ANXA6: variants seen among roughly 807,000 people sequenced by gnomAD.
The protein encoded by ANXA6 is annexin A6, also known as 67 kDa calelectrin.
A neutral mutation model predicts 95.4 loss-of-function variants in ANXA6; 71 were observed. The ratio of observed to expected loss-of-function variants is 0.74; its 90% CI spans 0.61 to 0.91. The LOEUF (loss-of-function observed/expected upper bound fraction) is 0.91, where lower values mean the gene tolerates loss of function less well. Among genes scored for constraint, ANXA6 ranks in the 40% least tolerant of loss-of-function variants. The pLI is 0.00. For missense variants in ANXA6, 830 were observed against 876.4 expected (o/e 0.95, Z 0.67); for synonymous variants, 289 against 315.9 (o/e 0.91, Z 0.90).
chr5:151,135,711 T>C (rs1009450698), intron 7 of ANXA6, among the ~76,000 whole-genome samples: 3 of 152,216 alleles, frequency 2.0e-5, no homozygotes, highest in Non-Finnish European at 4.4e-5. Context: ...TTTCAATACA[T>C]TAAAATAATC....
intron 4 of ANXA6, chr5:151,139,078 T>C: frequency 1.7e-6 from 1 of 589,596 alleles, no homozygotes; most frequent in Non-Finnish European, 3.0e-6. Flanking sequence ...TGTGTATCTC[T>C]CTCACTATCT....
chr5:151,128,169 G>A lies in ANXA6; in HGVS notation c.977+12C>T. ...GCCATGCCCTCCAGCCAGGGGCCAA[G>A]AAGCCACTTACTCATCATCTCCCCC... On this transcript the variant is annotated intron_variant, in intron 13 of 25. Transcript: ENST00000354546. 1 of 1,610,616 alleles carries A rather than the reference G, an allele frequency of 6.2e-7. No homozygotes were observed. The highest frequency in any genetic ancestry group is 1.1e-5 in the South Asian group (1 of 90,218).
chr5:151,136,038 C>T (rs1043609408), intron 7 of ANXA6, among the ~76,000 whole-genome samples: 4 of 152,166 alleles, frequency 2.6e-5, no homozygotes, highest in Non-Finnish European at 4.4e-5. Flanking sequence ...CAGAGAGGAG[C>T]GGGAGGAGCG....
At chr5:151,110,477 C>G (rs978242741) in intron 21 of ANXA6, 150 bp downstream of exon 21, 3 of 812,812 alleles carry the variant, frequency 3.7e-6, no homozygotes, top group African/African-American at 3.5e-5. Context: ...CTTGCCTGGC[C>G]TATCTTTTAC....
intron 23 of ANXA6, 90 bp from the exon 24 acceptor site, chr5:151,105,393 C>T (rs934759882): frequency 6.9e-6 from 8 of 1,153,496 alleles, no homozygotes; most frequent in African/African-American, 4.6e-5. Flanking sequence ...CCCACCTCGT[C>T]TATCCCTGCA....
At position 151,124,238 on chromosome 5, in the gene ANXA6, C is replaced by T. The variant is rs747145942; in HGVS notation, c.1138+48G>A. 7.0e-6 allele frequency: 11 copies of T among 1,564,702 alleles called. No homozygotes were observed. The South Asian group carries it at 1.2e-4, about 18-fold the overall frequency. Reference sequence around the variant, plus strand: ...TGCCAGCCCACGGCCAAACCCACCACACCTGCTGCCCTGGAGACCAACCCT... The same window carrying T: ...TGCCAGCCCACGGCCAAACCCACCATACCTGCTGCCCTGGAGACCAACCCT... On this transcript the variant is annotated intron_variant, in intron 15 of 25. Coordinates refer to ENST00000354546, the MANE Select transcript of ANXA6 (RefSeq NM_001155.5).
intron 23 of ANXA6, among the ~76,000 whole-genome samples, chr5:151,106,868 T>C (rs540298477): frequency 1.2e-4 from 18 of 152,210 alleles, no homozygotes; most frequent in South Asian, 2.1e-4. Flanking sequence ...ATGCCTGCCA[T>C]TGGATGGAGG....
intron 14 of ANXA6, among the ~76,000 whole-genome samples, chr5:151,125,827 C>T (rs1333375991): frequency 2.0e-5 from 3 of 152,050 alleles, no homozygotes; most frequent in African/African-American, 4.8e-5. Context: ...CATGTTAACC[C>T]CTCACTTTAA....
intron 18 of ANXA6, among the ~76,000 whole-genome samples, chr5:151,119,044 C>T (rs957328153): frequency 6.6e-6 from 1 of 152,192 alleles, no homozygotes; most frequent in African/African-American, 2.4e-5. Flanking sequence ...AGTCGCCCTC[C>T]CTCTCTCCAG....
chr5:151,148,145 G>A (rs1766016972), intron 1 of ANXA6, among the ~76,000 whole-genome samples: 1 of 151,510 alleles, frequency 6.6e-6, no homozygotes, highest in African/African-American at 2.4e-5. Context: ...AAAGGGACGC[G>A]GATCCCCAAG....
intron 10 of ANXA6, 150 bp downstream of exon 10, chr5:151,132,326 C>T (rs1228337512): frequency 6.0e-6 from 4 of 667,870 alleles, no homozygotes; most frequent in Admixed American, 6.3e-5. Context: ...CCATGCTGCC[C>T]TGGAGAAACC....
chr5:151,121,917 C>T (rs574115701), intron 17 of ANXA6, among the ~76,000 whole-genome samples: 109 of 152,304 alleles, frequency 7.2e-4, no homozygotes, highest in African/African-American at 2.6e-3. Context: ...AGAGCCAAGA[C>T]AGGGGTGAGC....
chr5:151,153,919 A>T (rs576767531), intron 1 of ANXA6, among the ~76,000 whole-genome samples: 1 of 152,312 alleles, frequency 6.6e-6, no homozygotes, highest in East Asian at 1.9e-4. Flanking sequence ...TTAGAAAATT[A>T]CTGCATATGC....
chr5:151,140,577 A>AATATATATATAT (rs61352316), intron 2 of ANXA6: 27 of 143,844 alleles, frequency 1.9e-4, no homozygotes, highest in Non-Finnish European at 3.7e-4. Flanking sequence ...GCAAGAGTCA[A>AATATATATATAT]ATATATATAT....
intron 1 of ANXA6, chr5:151,154,998 A>T (rs1766200481): frequency 6.6e-6 from 1 of 151,246 alleles, no homozygotes; most frequent in Non-Finnish European, 1.5e-5. Context: ...TAAAAATAGC[A>T]CCTCCCTCAT....
intron 13 of ANXA6, among the ~76,000 whole-genome samples, chr5:151,127,771 C>T (rs17111774): frequency 0.011 from 1,609 of 152,304 alleles, 41 homozygotes; most frequent in African/African-American, 0.037. Context: ...AGGGTCTGCA[C>T]CCAGAAGGCA....
intron 6 of ANXA6, among the ~76,000 whole-genome samples, 178 bp from the exon 7 acceptor site, chr5:151,136,513 T>G (rs186271202): frequency 1.8e-4 from 28 of 152,308 alleles, no homozygotes; most frequent in African/African-American, 6.5e-4. Context: ...GACCATGATA[T>G]GATGAAATGG....
chr5:151,133,191 A>G lies in ANXA6; in HGVS notation c.547-4T>C. The G allele has an allele frequency of 3.2e-6, 5 of 1,571,962 alleles. No individual in the cohort carries two copies. The highest frequency in any genetic ancestry group is 4.3e-6 in the Non-Finnish European group (5 of 1,157,020). ...GTTCCCCTGCCTCGTATAGGTCCTGAAGGGGAAGAGGTGGCACTTGACTGA... is the reference window on the plus strand; with the variant it reads ...GTTCCCCTGCCTCGTATAGGTCCTGGAGGGGAAGAGGTGGCACTTGACTGA... On this transcript the variant is annotated splice_region_variant and splice_polypyrimidine_tract_variant and intron_variant, in intron 8 of 25. Transcript: ENST00000354546.
rs143220999 is a variant in ANXA6 at position 151,128,881 on chromosome 5, A to G, written c.918+526T>C. Among the ~76,000 whole-genome samples, 14 of 151,882 alleles carry G rather than the reference A, an allele frequency of 9.2e-5. No individual in the cohort carries two copies. In the East Asian group the frequency reaches 1.4e-3, roughly 15 times the overall value. ...CCTAAAAAAATTACCCTTTGGAAAC[A>G]TACTTTGGAGAATACAACTTGGATC... On this transcript the variant is annotated intron_variant, in intron 12 of 25. Transcript: ENST00000354546.
Sources: gnomAD v4.1 joint callset for allele counts (sites outside exome capture counted in the v4.1 genomes callset) on GRCh38, gnomAD v4.1.1 for gene constraint, MANE v1.5 for transcripts, NCBI Gene and HGNC (gene_info 2026-07-23, HGNC 2026-07-21) for gene names.